Variants in TSHZ1 observed in about 807,000 individuals in gnomAD.
TSHZ1 encodes the protein teashirt zinc finger homeobox 1.
Under a neutral mutation model 67.1 loss-of-function variants are expected in TSHZ1, and 12 were observed. The ratio of observed to expected loss-of-function variants is 0.18; its 90% confidence interval spans 0.11 to 0.29. The LOEUF is 0.29. Ranked by LOEUF, TSHZ1 falls within the 10% of genes least tolerant of loss-of-function variation. The pLI is 1.00. For synonymous variants in TSHZ1, 632 were observed against 622.4 expected (o/e 1.02, Z -0.23); for missense variants, 1,305 against 1,413.9 (o/e 0.92, Z 1.23).
chr18:75,276,150 A>G (rs1045217927), intron 1 of TSHZ1, among the ~76,000 whole-genome samples: 1 of 152,228 alleles, frequency 6.6e-6, no homozygotes, highest in Non-Finnish European at 1.5e-5. Flanking sequence ...CTTGAAATTG[A>G]ATTCAGGGGC....
At chr18:75,253,984 G>A (rs572218904) in intron 1 of TSHZ1, among the ~76,000 whole-genome samples, 5 of 152,200 alleles carry the variant, frequency 3.3e-5, no homozygotes, top group Non-Finnish European at 5.9e-5. Flanking sequence ...TTCCTGTTGC[G>A]TAATCTCCAG....
chr18:75,278,104 C>T (rs2122605992), intron 1 of TSHZ1, among the ~76,000 whole-genome samples: 1 of 152,206 alleles, frequency 6.6e-6, no homozygotes, highest in East Asian at 1.9e-4. Flanking sequence ...TTAGTGTAAG[C>T]CCCATAGAGG....
At chr18:75,225,638 A>G (rs2022915472) in intron 1 of TSHZ1, among the ~76,000 whole-genome samples, 1 of 152,082 alleles carries the variant, frequency 6.6e-6, no homozygotes, top group Non-Finnish European at 1.5e-5. Flanking sequence ...ACCATCCTCC[A>G]CATTCCGAGC....
intron 1 of TSHZ1, among the ~76,000 whole-genome samples, chr18:75,229,208 A>G (rs1287520389): frequency 6.6e-6 from 1 of 152,348 alleles, no homozygotes; most frequent in East Asian, 1.9e-4. Context: ...CTCAAAGCCC[A>G]CCTCAGCTTT....
At chr18:75,259,860 A>T (rs2023408680) in intron 1 of TSHZ1, among the ~76,000 whole-genome samples, 1 of 152,192 alleles carries the variant, frequency 6.6e-6, no homozygotes, top group Non-Finnish European at 1.5e-5. Flanking sequence ...ATTTCCAAGG[A>T]TATAAAAGTA....
At chr18:75,233,988 G>A (rs573980403) in intron 1 of TSHZ1, among the ~76,000 whole-genome samples, 21 of 152,006 alleles carry the variant, frequency 1.4e-4, no homozygotes, top group East Asian at 9.7e-4. Context: ...CCTTTTTGCC[G>A]TCTTCAGAGC....
At chr18:75,246,403 G>GGTGTGTGTGTGT (rs74178999) in intron 1 of TSHZ1, among the ~76,000 whole-genome samples, 3,614 of 108,374 alleles carry the variant, frequency 0.033, 271 homozygotes, top group South Asian at 0.058. Flanking sequence ...TTTGGTTTCT[G>GGTGTGTGTGTGT]GTGTGTGTGT....
intron 1 of TSHZ1, among the ~76,000 whole-genome samples, chr18:75,273,180 A>G (rs1341980697): frequency 1.3e-5 from 2 of 152,250 alleles, no homozygotes; most frequent in Admixed American, 6.5e-5. Flanking sequence ...CAAAGCACCC[A>G]CACTTGTTCA....
chr18:75,215,953 T>C (rs951864680), intron 1 of TSHZ1, among the ~76,000 whole-genome samples: 1 of 151,866 alleles, frequency 6.6e-6, no homozygotes, highest in African/African-American at 2.4e-5. Context: ...ATACTCTGTG[T>C]ATGTGTGTCT....
intron 1 of TSHZ1, among the ~76,000 whole-genome samples, chr18:75,218,793 A>G (rs1212231520): frequency 6.6e-6 from 1 of 152,248 alleles, no homozygotes; most frequent in East Asian, 1.9e-4. Flanking sequence ...AAAGAACAGC[A>G]AGTGTTTTAT....
Position 75,288,186 on chromosome 18 carries a change from G to A in TSHZ1, c.2779G>A (p.Val927Met), listed in dbSNP as rs183334241. Residue 927 changes from valine to methionine, a missense_variant, in exon 2 of 2, where the codon GTG (valine) becomes ATG (methionine). By Grantham distance (21) the Val-to-Met change is conservative. Transcript: ENST00000580243. The surrounding 1 kb of genome is among the most constrained non-coding windows in gnomAD (Gnocchi z 4.9). The stretch of plus-strand genomic sequence containing the variant: ...GTCGGACTTGGGCCCGCAGGAGAGG[G>A]TGCACATCTCGAAGTTTACTGGGCT... ...IMSDLGPQER[V>M]HISKFTGLSM... The A allele has an allele frequency of 3.1e-6, 5 of 1,614,072 alleles. No homozygotes were observed. Among genetic ancestry groups the A allele is most frequent in the Non-Finnish European group, 2.5e-6 (3 of 1,180,040 alleles).
At chr18:75,262,683 T>G (rs1362676235) in intron 1 of TSHZ1, among the ~76,000 whole-genome samples, 1 of 152,252 alleles carries the variant, frequency 6.6e-6, no homozygotes, top group Non-Finnish European at 1.5e-5. Flanking sequence ...GGCACTTCTC[T>G]GTTTCCAAGT....
intron 1 of TSHZ1, among the ~76,000 whole-genome samples, chr18:75,235,313 C>T (rs1054472734): frequency 6.6e-6 from 1 of 152,074 alleles, no homozygotes; most frequent in African/African-American, 2.4e-5. Flanking sequence ...GGGGGACTGC[C>T]GGTCGTACGT....
rs187060709 is a variant in TSHZ1 at position 75,252,381 on chromosome 18, G to A, written c.41-33067G>A. Among the ~76,000 whole-genome samples, 288 of 152,228 alleles carry A rather than the reference G, an allele frequency of 1.9e-3. 2 individuals are homozygous for A. The highest frequency in any genetic ancestry group is 6.8e-3 in the African/African-American group (282 of 41,516). ...TGCCAACTGGCCTTCTGGGAAGGTC[G>A]TGCACATTTTCAGTCCCACCAGTGA... On this transcript the variant is annotated intron_variant, in intron 1 of 1. Coordinates refer to ENST00000580243, the MANE Select transcript of TSHZ1 (RefSeq NM_001308210.2).
chr18:75,251,720 A>T (rs914657057), intron 1 of TSHZ1, among the ~76,000 whole-genome samples: 3 of 151,784 alleles, frequency 2.0e-5, no homozygotes, highest in African/African-American at 7.3e-5. Flanking sequence ...GGGGGGAGCA[A>T]TTTTTCCATA....
At chr18:75,276,042 G>A (rs1456074354) in intron 1 of TSHZ1, among the ~76,000 whole-genome samples, 1 of 152,120 alleles carries the variant, frequency 6.6e-6, no homozygotes, top group Non-Finnish European at 1.5e-5. Flanking sequence ...TACTTGTTAA[G>A]TACATTGTTG....
chr18:75,273,881 T>C (rs2122599471), intron 1 of TSHZ1, among the ~76,000 whole-genome samples: 1 of 152,374 alleles, frequency 6.6e-6, no homozygotes, highest in South Asian at 2.1e-4. Context: ...GTAGGGCCTC[T>C]ATAATTTTAA....
chr18:75,220,902 A>T (rs1409260008), intron 1 of TSHZ1, among the ~76,000 whole-genome samples: 1 of 152,218 alleles, frequency 6.6e-6, no homozygotes, highest in Non-Finnish European at 1.5e-5. Flanking sequence ...AATCAATTAC[A>T]TTATTGTAGA....
At chr18:75,219,039 G>T (rs1231238886) in intron 1 of TSHZ1, among the ~76,000 whole-genome samples, 3 of 152,208 alleles carry the variant, frequency 2.0e-5, no homozygotes, top group Admixed American at 1.3e-4. Flanking sequence ...ATTTATTTGT[G>T]ATAAAGCATT....
Sources: gnomAD v4.1 joint callset for allele counts (sites outside exome capture counted in the v4.1 genomes callset) on GRCh38, gnomAD v4.1.1 for gene constraint, Gnocchi (gnomAD v3.1) non-coding constraint, MANE v1.5 for transcripts, NCBI Gene and HGNC (gene_info 2026-07-23, HGNC 2026-07-21) for gene names.